Variants in CSTF3 observed in about 807,000 individuals in gnomAD.
CSTF3 encodes the protein CF-1 77 kDa subunit.
CSTF3 carries 29 observed loss-of-function variants against 105.8 expected under a neutral mutation model. The observed-to-expected ratio is 0.27, with a 90% confidence interval of 0.20 to 0.37. The LOEUF (loss-of-function observed/expected upper bound fraction) is 0.37. CSTF3 is among the 10% of genes least tolerant of loss of function. CSTF3 has a pLI of 1.00. For synonymous variants in CSTF3, 252 were observed against 281.9 expected, an observed-to-expected ratio of 0.89 and a Z score of 1.06; for missense variants, 357 against 879.3, an observed-to-expected ratio of 0.41 and a Z score of 7.51.
At chr11:33,144,124 A>C in intron 1 of CSTF3, among the ~76,000 whole-genome samples, 1 of 121,104 alleles carries the variant, frequency 8.3e-6, no homozygotes, top group African/African-American at 2.6e-5. Context: ...CTCCCCCACC[A>C]CTCCCCCTTT....
At chr11:33,140,232 G>A (rs1247042921) in intron 3 of CSTF3, among the ~76,000 whole-genome samples, 2 of 151,952 alleles carry the variant, frequency 1.3e-5, no homozygotes, top group Admixed American at 6.6e-5. Flanking sequence ...AAAGCAGCAC[G>A]GGCTTCAGCA....
rs1855229548 is a variant in CSTF3, at chr11:33,097,039, G to C, written c.1129-61C>G. On this transcript the variant is annotated intron_variant, in intron 13 of 20. Transcript: ENST00000323959. ...GACAGTATGTTTCCTGCATAAGAAAGCAATCCTCAATACCCAATAAATTAG... is the reference window on the plus strand; with the variant it reads ...GACAGTATGTTTCCTGCATAAGAAACCAATCCTCAATACCCAATAAATTAG... 3 of 1,236,194 alleles carry C rather than the reference G, an allele frequency of 2.4e-6. No homozygotes were observed. In the African/African-American group the frequency reaches 4.5e-5, roughly 19 times the overall value. 76.6% of individuals were successfully genotyped at this position (1,236,194 alleles called of 1,614,324 possible). A position where few individuals can be genotyped will look rare whatever the true frequency, so the allele number is the denominator to read the frequency against.
chr11:33,113,206 AAAATAAATAAATAAATAAAT>A (rs61101354), intron 3 of CSTF3, among the ~76,000 whole-genome samples: 4 of 147,252 alleles, frequency 2.7e-5, no homozygotes, highest in Non-Finnish European at 6.0e-5. Context: ...ACTTTGTCTC[AAAATAAATAAATAAATAAAT>A]AAATAAATAA....
chr11:33,143,838 A>G (rs955598385), intron 1 of CSTF3, among the ~76,000 whole-genome samples: 55 of 151,898 alleles, frequency 3.6e-4, no homozygotes, highest in African/African-American at 1.2e-3. Flanking sequence ...AAAACACAAA[A>G]AATTAGCCGG....
intron 19 of CSTF3, 44 bp from the exon 20 acceptor site, chr11:33,085,817 G>A: frequency 1.3e-6 from 2 of 1,592,998 alleles, no homozygotes; most frequent in Non-Finnish European, 1.7e-6. Context: ...AATCTGACAA[G>A]TTAAAGTAGT....
At chr11:33,127,515 T>C (rs1049733950) in intron 3 of CSTF3, among the ~76,000 whole-genome samples, 15 of 152,352 alleles carry the variant, frequency 9.8e-5, no homozygotes, top group African/African-American at 3.6e-4. Flanking sequence ...CTTATTTATA[T>C]TTCTCTCCTC....
At chr11:33,156,570 C>T (rs2089299653) in intron 1 of CSTF3, 1 of 383,318 alleles carries the variant, frequency 2.6e-6, no homozygotes, top group Non-Finnish European at 5.1e-6. Context: ...TTGTTAAGAA[C>T]TACCAGCAAT....
chr11:33,098,160 C>T (rs1855244122), intron 13 of CSTF3, among the ~76,000 whole-genome samples: 1 of 152,104 alleles, frequency 6.6e-6, no homozygotes, highest in Non-Finnish European at 1.5e-5. Context: ...ACAAGCCTGT[C>T]CCCTTCCTCT....
intron 13 of CSTF3, among the ~76,000 whole-genome samples, chr11:33,098,127 G>T (rs532458429): frequency 1.1e-3 from 163 of 152,200 alleles, no homozygotes; most frequent in Non-Finnish European, 1.9e-3. Flanking sequence ...TTGACTTGAG[G>T]CAGAGGTTCT....
Position 33,152,471 on chromosome 11 carries a change from T to A in CSTF3, c.27+8828A>T, listed in dbSNP as rs192722294. Among the ~76,000 whole-genome samples the A allele has an allele frequency of 2.0e-5, 3 of 152,210 alleles. No homozygotes were observed. The East Asian group carries it at 5.8e-4, about 29-fold the overall frequency. Reference sequence around the variant, plus strand: ...AATTTTTACATGTTGGAGTTACAAATCCCTTATCAGACATGATTTACAAAA... The same window carrying A: ...AATTTTTACATGTTGGAGTTACAAAACCCTTATCAGACATGATTTACAAAA... On this transcript the variant is annotated intron_variant, in intron 1 of 20. Transcript: ENST00000323959.
At chr11:33,096,454 TA>T in intron 14 of CSTF3, 46 bp from the exon 15 acceptor site, 1 of 1,157,864 alleles carries the variant, frequency 8.6e-7, no homozygotes, top group Non-Finnish European at 1.3e-6. Flanking sequence ...AAATGTCAGA[TA>T]AAAAACACTT....
chr11:33,145,771 G>A (rs571197012), intron 1 of CSTF3, among the ~76,000 whole-genome samples: 8 of 151,382 alleles, frequency 5.3e-5, no homozygotes, highest in East Asian at 4.0e-4. Flanking sequence ...CAGAGATGGC[G>A]CCACTGCACT....
At chr11:33,152,269 G>A (rs4756087) in intron 1 of CSTF3, among the ~76,000 whole-genome samples, 84,498 of 151,944 alleles carry the variant, frequency 0.56, 26,083 homozygotes, top group Non-Finnish European at 0.69. Flanking sequence ...TGAAAAAATA[G>A]AAATAAATAA....
At chr11:33,156,195 A>C (rs1295488979) in intron 1 of CSTF3, among the ~76,000 whole-genome samples, 1 of 152,260 alleles carries the variant, frequency 6.6e-6, no homozygotes, top group Non-Finnish European at 1.5e-5. Flanking sequence ...ACACCAAACA[A>C]GCATCACTAA....
At chr11:33,107,854 CTG>C (rs1344806557) in intron 5 of CSTF3, 47 bp downstream of exon 5, 1 of 1,086,290 alleles carries the variant, frequency 9.2e-7, no homozygotes, top group East Asian at 2.5e-5. Context: ...GTGGGATTAA[CTG>C]TGTGCCTGGA....
intron 7 of CSTF3, 56 bp downstream of exon 7, chr11:33,105,827 A>G (rs1463560275): frequency 1.3e-6 from 2 of 1,520,362 alleles, no homozygotes; most frequent in East Asian, 2.3e-5. Context: ...AGAACTAAAA[A>G]TTATATTTTA....
At chr11:33,104,098 A>G (rs1767043447) in intron 8 of CSTF3, among the ~76,000 whole-genome samples, 1 of 152,200 alleles carries the variant, frequency 6.6e-6, no homozygotes, top group African/African-American at 2.4e-5. Context: ...AAGTGCTGGG[A>G]TTACAGGCAT....
intron 3 of CSTF3, among the ~76,000 whole-genome samples, chr11:33,136,918 G>C (rs1173101946): frequency 2.6e-5 from 4 of 151,640 alleles, no homozygotes; most frequent in Non-Finnish European, 5.9e-5. Context: ...TGAATGTCTA[G>C]GAAATTTAGG....
At chr11:33,129,749 TTTC>T (rs1855579831) in intron 3 of CSTF3, among the ~76,000 whole-genome samples, 1 of 152,208 alleles carries the variant, frequency 6.6e-6, no homozygotes, top group Non-Finnish European at 1.5e-5. Flanking sequence ...CTTGTAAACT[TTTC>T]TTCTTACCCA....
Sources: allele counts gnomAD v4.1 joint callset (sites outside exome capture counted in the v4.1 genomes callset), GRCh38; gene constraint gnomAD v4.1.1; transcripts MANE v1.5; gene names NCBI Gene and HGNC (gene_info 2026-07-23, HGNC 2026-07-21).